Variants in ZFPM2 observed in about 807,000 individuals in gnomAD.
ZFPM2 encodes the protein zinc finger protein ZFPM2.
ZFPM2 carries 20 observed loss-of-function variants against 98.6 expected under a neutral mutation model. The observed-to-expected ratio is 0.20, with a 90% CI of 0.14 to 0.29. The LOEUF (loss-of-function observed/expected upper bound fraction) is 0.29. ZFPM2 is among the 10% of genes least tolerant of loss of function. The pLI is 1.00. For synonymous variants in ZFPM2, 518 were observed against 502.7 expected (o/e 1.03, Z -0.41); for missense variants, 1,310 against 1,388.6 (o/e 0.94, Z 0.90).
At chr8:105,797,242 G>C (rs1424649581) in intron 6 of ZFPM2, 1 of 152,044 alleles carries the variant, frequency 6.6e-6, no homozygotes, top group Non-Finnish European at 1.5e-5. Context: ...TGGATGAAGG[G>C]GGAAAAAACA....
At chr8:105,683,087 G>A (rs1191449046) in intron 5 of ZFPM2, among the ~76,000 whole-genome samples, 1 of 151,964 alleles carries the variant, frequency 6.6e-6, no homozygotes, top group Non-Finnish European at 1.5e-5. Flanking sequence ...TTTTTATAAG[G>A]GCACAATTCT....
At chr8:105,763,121 G>A (rs1172428542) in intron 5 of ZFPM2, among the ~76,000 whole-genome samples, 2 of 141,382 alleles carry the variant, frequency 1.4e-5, no homozygotes. Flanking sequence ...TCTGTGATCT[G>A]ACAAACAAAA....
chr8:105,580,876 C>T (rs1184153475), intron 4 of ZFPM2, among the ~76,000 whole-genome samples: 1 of 150,090 alleles, frequency 6.7e-6, no homozygotes, highest in Non-Finnish European at 1.5e-5. Context: ...TTTTTGATCA[C>T]ATTTACTAAT....
chr8:105,565,981 T>C (rs1815235589), intron 4 of ZFPM2, among the ~76,000 whole-genome samples: 2 of 152,168 alleles, frequency 1.3e-5, no homozygotes, highest in African/African-American at 4.8e-5. Flanking sequence ...TCAGATGAGA[T>C]ACCCGGGAGA....
chr8:105,576,199 A>G (rs1275291842), intron 4 of ZFPM2, among the ~76,000 whole-genome samples: 3 of 152,222 alleles, frequency 2.0e-5, no homozygotes, highest in Non-Finnish European at 4.4e-5. Context: ...ATTAGTAAAC[A>G]TGGTCAAGAA....
At chr8:105,456,742 G>C (rs764780812) in intron 3 of ZFPM2, among the ~76,000 whole-genome samples, 2 of 151,956 alleles carry the variant, frequency 1.3e-5, no homozygotes, top group Non-Finnish European at 2.9e-5. Flanking sequence ...GCATGATCTC[G>C]GCTCACTGCA....
At chr8:105,568,006 T>C (rs1563723320) in intron 4 of ZFPM2, among the ~76,000 whole-genome samples, 1 of 152,094 alleles carries the variant, frequency 6.6e-6, no homozygotes, top group Non-Finnish European at 1.5e-5. Context: ...CTATTTCTCA[T>C]ATCTCTCTGG....
At chr8:105,662,306 A>G (rs1817406336) in intron 5 of ZFPM2, 1 of 152,120 alleles carries the variant, frequency 6.6e-6, no homozygotes, top group Non-Finnish European at 1.5e-5. Flanking sequence ...GCATTTTTAC[A>G]TTAAGAACAA....
At position 105,712,648 on chromosome 8, in the gene ZFPM2, C is replaced by T. The variant is rs570058330; in HGVS notation, c.533-76070C>T. 4.4e-4 allele frequency among the ~76,000 whole-genome samples: 67 copies of T among 152,084 alleles called. 1 individual carries two copies. The highest frequency in any genetic ancestry group is 1.5e-3 in the African/African-American group (62 of 41,516). On this transcript the variant is annotated intron_variant, in intron 5 of 7. Transcript: ENST00000407775. ...CGTGATGCTGAGGTTTGGGCTTCTA[C>T]TGATCCCATCACCCAGATAGTGAAC...
intron 1 of ZFPM2, among the ~76,000 whole-genome samples, chr8:105,404,299 G>A (rs1338257791): frequency 6.6e-6 from 1 of 151,996 alleles, no homozygotes; most frequent in African/African-American, 2.4e-5. Flanking sequence ...ATATATTGTG[G>A]AAAATAGAAT....
intron 5 of ZFPM2, among the ~76,000 whole-genome samples, chr8:105,651,254 A>T (rs1300413953): frequency 6.6e-6 from 1 of 151,868 alleles, no homozygotes. Context: ...CTCATCTGTT[A>T]CTGCTCTTCC....
chr8:105,394,742 A>C (rs1811188443), intron 1 of ZFPM2, among the ~76,000 whole-genome samples: 1 of 152,242 alleles, frequency 6.6e-6, no homozygotes, highest in African/African-American at 2.4e-5. Context: ...CAGACAGTGA[A>C]GAACATGCCT....
chr8:105,674,063 C>A (rs1817645230), intron 5 of ZFPM2, among the ~76,000 whole-genome samples: 1 of 152,134 alleles, frequency 6.6e-6, no homozygotes, highest in South Asian at 2.1e-4. Context: ...GTTTTTTCTG[C>A]AATAAAGCCA....
At chr8:105,349,388 T>A (rs1009328384) in intron 1 of ZFPM2, among the ~76,000 whole-genome samples, 1 of 152,192 alleles carries the variant, frequency 6.6e-6, no homozygotes, top group African/African-American at 2.4e-5. Context: ...ACAAACCTTA[T>A]AACAAAGAAA....
At chr8:105,759,182 C>A (rs749540827) in intron 5 of ZFPM2, among the ~76,000 whole-genome samples, 1 of 152,096 alleles carries the variant, frequency 6.6e-6, no homozygotes, top group African/African-American at 2.4e-5. Flanking sequence ...TACTTTATCT[C>A]ATTCGCCAAG....
chr8:105,533,206 A>G (rs1814333822), intron 3 of ZFPM2, among the ~76,000 whole-genome samples: 1 of 152,140 alleles, frequency 6.6e-6, no homozygotes, highest in Non-Finnish European at 1.5e-5. Context: ...CAAACATAAT[A>G]TTTCTCTTGC....
chr8:105,564,050 G>GAA (rs1262428545), intron 4 of ZFPM2, among the ~76,000 whole-genome samples: 1 of 152,028 alleles, frequency 6.6e-6, no homozygotes, highest in Non-Finnish European at 1.5e-5. Context: ...ACCTGTCTGA[G>GAA]AAAGTTTGAT....
intron 3 of ZFPM2, among the ~76,000 whole-genome samples, chr8:105,487,278 C>T (rs541535884): frequency 2.4e-4 from 36 of 152,120 alleles, no homozygotes; most frequent in African/African-American, 8.0e-4. Flanking sequence ...CCACCATGCC[C>T]GGCTGCTTTT....
chr8:105,441,147 T>A (rs1158403699), intron 2 of ZFPM2, among the ~76,000 whole-genome samples: 1 of 151,750 alleles, frequency 6.6e-6, no homozygotes, highest in Non-Finnish European at 1.5e-5. Context: ...AGAGTGAGAC[T>A]CCATCTCAAA....
Sources: gnomAD v4.1 joint callset for allele counts (sites outside exome capture counted in the v4.1 genomes callset) on GRCh38, gnomAD v4.1.1 for gene constraint, MANE v1.5 for transcripts, NCBI Gene and HGNC (gene_info 2026-07-23, HGNC 2026-07-21) for gene names.